GALNT2: variants seen among roughly 807,000 people sequenced by gnomAD.
GALNT2 encodes the protein polypeptide N-acetylgalactosaminyltransferase 2, also known as UDP-GalNAc:polypeptide N-acetylgalactosaminyltransferase 2.
GALNT2 carries 31 observed loss-of-function variants against 81.4 expected under a neutral mutation model. That is an observed-to-expected ratio of 0.38 (90% CI 0.29 to 0.51). The LOEUF (loss-of-function observed/expected upper bound fraction) is 0.51, where lower values mean the gene tolerates loss of function less well. GALNT2 is among the 20% of genes least tolerant of loss of function. The pLI is 0.87. For synonymous variants in GALNT2, 303 were observed against 287.4 expected (o/e 1.05, Z -0.55); for missense variants, 629 against 765.7 (o/e 0.82, Z 2.11).
At chr1:230,105,540 C>T (rs1052370775) in intron 1 of GALNT2, among the ~76,000 whole-genome samples, 22 of 152,294 alleles carry the variant, frequency 1.4e-4, no homozygotes, top group African/African-American at 4.1e-4. Flanking sequence ...ATGGTCCCTG[C>T]GGTTCAGTGA....
chr1:230,103,750 T>C (rs1660465025), intron 1 of GALNT2, among the ~76,000 whole-genome samples: 1 of 152,022 alleles, frequency 6.6e-6, no homozygotes, highest in Admixed American at 6.5e-5. Flanking sequence ...AGCACATAAT[T>C]ATCATGTAGG....
Position 230,226,101 on chromosome 1 carries a change from G to T in GALNT2, c.375-9913G>T, listed in dbSNP as rs1174884959. Among the ~76,000 whole-genome samples the T allele has an allele frequency of 2.6e-5, 4 of 152,244 alleles. No individual in the cohort carries two copies. In the East Asian group the frequency reaches 7.7e-4, roughly 29 times the overall value. On this transcript the variant is annotated intron_variant, in intron 3 of 15. Transcript: ENST00000366672. Reference sequence around the variant, plus strand: ...ATGAGGAGCATGCGCCCAGCCTGCGGTTGGCTCTAGCCTGGCTGGAGCCCC... The same window carrying T: ...ATGAGGAGCATGCGCCCAGCCTGCGTTTGGCTCTAGCCTGGCTGGAGCCCC...
intron 1 of GALNT2, among the ~76,000 whole-genome samples, chr1:230,104,448 G>T (rs912023729): frequency 6.6e-6 from 1 of 152,128 alleles, no homozygotes; most frequent in African/African-American, 2.4e-5. Flanking sequence ...TGGTTTCCTG[G>T]CTCTGTAGCA....
At chr1:230,134,200 C>G (rs1661463301) in intron 1 of GALNT2, among the ~76,000 whole-genome samples, 1 of 151,754 alleles carries the variant, frequency 6.6e-6, no homozygotes, top group South Asian at 2.1e-4. Flanking sequence ...GCTCTGCCTC[C>G]CGGGTTCACG....
chr1:230,279,822 G>C lies in GALNT2; in HGVS notation c.*364G>C, dbSNP rs566194270. On this transcript the variant is annotated 3_prime_UTR_variant, in exon 16 of 16. Coordinates refer to ENST00000366672, the MANE Select transcript of GALNT2 (RefSeq NM_004481.5). This position sits in a 1 kb window ranked among gnomAD's most constrained non-coding sequence, Gnocchi z 4.6. ...GATGCGTGCGAGCTGAGGACAGGGC[G>C]GGAGGAGGGGGCACACATGCCCCAG... 1 of 480,112 alleles carries C rather than the reference G, an allele frequency of 2.1e-6. No individual in the cohort carries two copies. The highest frequency in any genetic ancestry group is 2.0e-5 in the African/African-American group (1 of 51,128). The allele number at this position is 480,112 out of a possible 1,614,324, so 29.7% of individuals were successfully genotyped here. A position where few individuals can be genotyped will look rare whatever the true frequency, so the allele number is the denominator to read the frequency against.
chr1:230,142,199 G>C lies in GALNT2; in HGVS notation c.127-36019G>C, dbSNP rs763920002. On this transcript the variant is annotated intron_variant, in intron 1 of 15. Coordinates refer to ENST00000366672, the MANE Select transcript of GALNT2 (RefSeq NM_004481.5). ...GGGGAAGGAGAACGGTGGCATCCCA[G>C]CCAGGAAGCATGAGGGATGGCATCC... 2.8e-3 allele frequency among the ~76,000 whole-genome samples: 420 copies of C among 152,256 alleles called. 7 individuals carry two copies. Among genetic ancestry groups the C allele is most frequent in the Non-Finnish European group, 6.9e-4 (47 of 68,020 alleles).
At chr1:230,236,573 C>G in intron 5 of GALNT2, 87 bp from the exon 6 acceptor site, 1 of 1,449,790 alleles carries the variant, frequency 6.9e-7, no homozygotes, top group Non-Finnish European at 9.6e-7. Flanking sequence ...GATAATCGGC[C>G]CTTAGATGAT....
intron 1 of GALNT2, among the ~76,000 whole-genome samples, chr1:230,094,163 ATTTTTTTTTTT>A (rs58639878): frequency 2.0e-3 from 236 of 119,356 alleles, no homozygotes; most frequent in African/African-American, 7.1e-3. Context: ...ATGCTGGCTA[ATTTTTTTTTTT>A]TTTTTTTTTT....
chr1:230,103,697 T>G (rs1231858597), intron 1 of GALNT2, among the ~76,000 whole-genome samples: 2 of 148,532 alleles, frequency 1.3e-5, no homozygotes, highest in African/African-American at 2.5e-5. Context: ...AAAGAACCCA[T>G]CCCTCCAAAA....
At chr1:230,127,768 C>T (rs1004475146) in intron 1 of GALNT2, among the ~76,000 whole-genome samples, 1 of 151,986 alleles carries the variant, frequency 6.6e-6, no homozygotes, top group Non-Finnish European at 1.5e-5. Context: ...CTCCCGTGCT[C>T]AGTTCATCAG....
At chr1:230,079,434 T>C (rs1659662073) in intron 1 of GALNT2, among the ~76,000 whole-genome samples, 1 of 152,252 alleles carries the variant, frequency 6.6e-6, no homozygotes, top group African/African-American at 2.4e-5. Context: ...CACAGGTTAC[T>C]AGCCTGCCCC....
At position 230,281,797 on chromosome 1, in the gene GALNT2, G is replaced by C. The variant is rs369109899; in HGVS notation, c.*2339G>C. ...ACAGTGTGCCAAAGTGACTTACTGC[G>C]GTTGCGTTAGTTTTTAATCATCAGG... is the stretch of plus-strand genomic sequence containing the variant. On this transcript the variant is annotated 3_prime_UTR_variant, in exon 16 of 16. Coordinates refer to ENST00000366672, the MANE Select transcript of GALNT2 (RefSeq NM_004481.5). The C allele has an allele frequency of 6.6e-6, 1 of 152,546 alleles. No individual in the cohort carries two copies. The highest frequency in any genetic ancestry group is 1.5e-5 in the Non-Finnish European group (1 of 68,028). The allele number at this position is 152,546 out of a possible 1,614,324, so 9.4% of individuals were successfully genotyped here.
At chr1:230,104,634 C>T (rs140089930) in intron 1 of GALNT2, among the ~76,000 whole-genome samples, 2 of 152,146 alleles carry the variant, frequency 1.3e-5, no homozygotes, top group East Asian at 1.9e-4. Context: ...TCCTGGAATG[C>T]GTAATTCACC....
At chr1:230,130,934 A>T (rs920425992) in intron 1 of GALNT2, among the ~76,000 whole-genome samples, 1 of 152,204 alleles carries the variant, frequency 6.6e-6, no homozygotes, top group Admixed American at 6.5e-5. Flanking sequence ...GGGAGCAGAA[A>T]GGTGGAGGCT....
intron 2 of GALNT2, among the ~76,000 whole-genome samples, chr1:230,186,002 G>T (rs79544871): frequency 0.034 from 5,184 of 152,320 alleles, 293 homozygotes; most frequent in African/African-American, 0.12. Flanking sequence ...GCTGTGGCTT[G>T]TGACATTTCT....
chr1:230,097,023 A>G (rs1660272242), intron 1 of GALNT2, among the ~76,000 whole-genome samples: 3 of 152,298 alleles, frequency 2.0e-5, no homozygotes, highest in East Asian at 3.9e-4. Context: ...CAAAGCTACA[A>G]CTGTGAAGAG....
At chr1:230,145,040 A>G (rs57769878) in intron 1 of GALNT2, among the ~76,000 whole-genome samples, 1,556 of 152,222 alleles carry the variant, frequency 0.01, 28 homozygotes, top group African/African-American at 0.036. Flanking sequence ...GAGCATCCCA[A>G]GGGTCTCCCG....
intron 1 of GALNT2, among the ~76,000 whole-genome samples, chr1:230,068,999 C>T (rs1179097746): frequency 6.6e-6 from 1 of 152,246 alleles, no homozygotes; most frequent in Non-Finnish European, 1.5e-5. Flanking sequence ...CTTGGCCACT[C>T]TGCATAGCCT....
At chr1:230,194,588 A>C (rs1409738186) in intron 2 of GALNT2, among the ~76,000 whole-genome samples, 1 of 152,220 alleles carries the variant, frequency 6.6e-6, no homozygotes, top group African/African-American at 2.4e-5. Context: ...ATGGACAAGG[A>C]ATCTCCCTTC....
Sources: allele counts gnomAD v4.1 joint callset (sites outside exome capture counted in the v4.1 genomes callset), GRCh38; gene constraint gnomAD v4.1.1; non-coding constraint Gnocchi (gnomAD v3.1); transcripts MANE v1.5; gene names NCBI Gene and HGNC (gene_info 2026-07-23, HGNC 2026-07-21).